PGCKA1: variants seen among roughly 807,000 people sequenced by gnomAD.
The protein encoded by PGCKA1 is PDCD10 and GCKIII kinases associated 1.
At chr4:37,508,758 T>C in the PGCKA1 span, among the ~76,000 whole-genome samples, 6 of 148,054 alleles carry the variant, frequency 4.1e-5, no homozygotes, top group African/African-American at 1.5e-4. Context: ...AGGACAATAG[T>C]GGAGGGAAGG....
chr4:37,473,079 G>A, the PGCKA1 span, among the ~76,000 whole-genome samples: 1 of 152,108 alleles, frequency 6.6e-6, no homozygotes, highest in Non-Finnish European at 1.5e-5. Flanking sequence ...AGTATAGAGT[G>A]TCCGTTCAAG....
At chr4:37,583,425 G>GTTTGTT in the PGCKA1 span, among the ~76,000 whole-genome samples, 3 of 146,810 alleles carry the variant, frequency 2.0e-5, no homozygotes, top group Non-Finnish European at 4.4e-5. Flanking sequence ...TTTATTGTTT[G>GTTTGTT]TTTGTTTTTG....
At chr4:37,493,207 T>C in the PGCKA1 span, among the ~76,000 whole-genome samples, 1 of 152,220 alleles carries the variant, frequency 6.6e-6, no homozygotes, top group South Asian at 2.1e-4. Flanking sequence ...CCACTGTCTT[T>C]ACCTGGTGTT....
the PGCKA1 span, among the ~76,000 whole-genome samples, chr4:37,585,563 A>G: frequency 0.41 from 94 of 230 alleles, 14 homozygotes; most frequent in Admixed American, 0.69. Context: ...TTGAGGAAGG[A>G]GAGGGGAGAG....
the PGCKA1 span, among the ~76,000 whole-genome samples, chr4:37,521,521 A>G: frequency 6.6e-6 from 1 of 152,072 alleles, no homozygotes; most frequent in Non-Finnish European, 1.5e-5. Context: ...ATTCATTTCT[A>G]TAGTTTTATT....
chr4:37,461,735 G>A, the PGCKA1 span, among the ~76,000 whole-genome samples: 6 of 151,982 alleles, frequency 3.9e-5, no homozygotes, highest in East Asian at 5.8e-4. Context: ...AAGGTTAATC[G>A]GGCAGTACTG....
chr4:37,490,662 TAGAAATGC>T, the PGCKA1 span, among the ~76,000 whole-genome samples: 1 of 152,178 alleles, frequency 6.6e-6, no homozygotes, highest in Non-Finnish European at 1.5e-5. Flanking sequence ...CAGAGGAAGA[TAGAAATGC>T]AGCCTCCTTT....
chr4:37,567,048 A>G, the PGCKA1 span, among the ~76,000 whole-genome samples: 1 of 151,058 alleles, frequency 6.6e-6, no homozygotes, highest in Admixed American at 6.6e-5. Context: ...TGCTTCTTGC[A>G]TAATCCAGCG....
the PGCKA1 span, among the ~76,000 whole-genome samples, chr4:37,516,666 A>G: frequency 6.6e-6 from 1 of 152,214 alleles, no homozygotes; most frequent in African/African-American, 2.4e-5. Flanking sequence ...CATTGCCCAG[A>G]AACACATGAA....
the PGCKA1 span, among the ~76,000 whole-genome samples, chr4:37,579,253 T>G: frequency 9.9e-5 from 15 of 152,228 alleles, no homozygotes; most frequent in Non-Finnish European, 1.5e-5. Context: ...TTTGTTATTA[T>G]TTATGATTGG....
At chr4:37,592,353 GA>G in the PGCKA1 span, among the ~76,000 whole-genome samples, 1,918 of 108,150 alleles carry the variant, frequency 0.018, 54 homozygotes, top group African/African-American at 0.052. Context: ...CCATCTCTAT[GA>G]AAAAAAAAAA....
chr4:37,568,407 A>G, the PGCKA1 span, among the ~76,000 whole-genome samples: 1 of 152,190 alleles, frequency 6.6e-6, no homozygotes, highest in Non-Finnish European at 1.5e-5. Flanking sequence ...CTCTCAGCCC[A>G]TTCCCAGTGG....
At chr4:37,471,558 T>G in the PGCKA1 span, among the ~76,000 whole-genome samples, 1 of 152,134 alleles carries the variant, frequency 6.6e-6, no homozygotes, top group African/African-American at 2.4e-5. Flanking sequence ...GATACAGAAG[T>G]GAACAGAATC....
At chr4:37,526,245 AAG>A in the PGCKA1 span, among the ~76,000 whole-genome samples, 5 of 152,326 alleles carry the variant, frequency 3.3e-5, no homozygotes, top group Admixed American at 6.5e-5. Flanking sequence ...AATTCTTGGA[AAG>A]AGAGAGTTAT....
chr4:37,497,562 T>C, the PGCKA1 span, among the ~76,000 whole-genome samples: 3 of 152,198 alleles, frequency 2.0e-5, no homozygotes, highest in African/African-American at 7.2e-5. Flanking sequence ...ATTTTTTTGA[T>C]TGTAGCCATT....
chr4:37,575,821 A>G, the PGCKA1 span, among the ~76,000 whole-genome samples: 2 of 152,178 alleles, frequency 1.3e-5, no homozygotes, highest in African/African-American at 4.8e-5. Context: ...GCATATGAAT[A>G]TCTAGTTTTC....
chr4:37,476,092 C>A, the PGCKA1 span, among the ~76,000 whole-genome samples: 3 of 151,670 alleles, frequency 2.0e-5, no homozygotes, highest in African/African-American at 7.2e-5. Context: ...TTTGATTTTG[C>A]TAAAATCACA....
the PGCKA1 span, chr4:37,591,701 A>T: frequency 6.6e-6 from 1 of 152,236 alleles, no homozygotes; most frequent in African/African-American, 2.4e-5. Context: ...GAGGCTGGCC[A>T]AAATAAGTCT....
At chr4:37,512,454 C>CT in the PGCKA1 span, among the ~76,000 whole-genome samples, 4,419 of 126,936 alleles carry the variant, frequency 0.035, 148 homozygotes, top group Non-Finnish European at 0.042. Context: ...GTGTTGATTT[C>CT]TTTTTTTTTT....
Sources: gnomAD v4.1 joint callset for allele counts (sites outside exome capture counted in the v4.1 genomes callset) on GRCh38, gnomAD v4.1.1 for gene constraint, MANE v1.5 for transcripts, NCBI Gene and HGNC (gene_info 2026-07-23, HGNC 2026-07-21) for gene names.